The following TMEM135 variants were observed in gnomAD, a reference collection of about 807,000 sequenced individuals.
TMEM135 encodes peroxisomal membrane protein 52.
A neutral mutation model predicts 60.3 loss-of-function variants in TMEM135; 30 were observed. The observed-to-expected ratio is 0.50, with a 90% confidence interval of 0.37 to 0.68. The LOEUF (loss-of-function observed/expected upper bound fraction) is 0.68. Among genes scored for constraint, TMEM135 ranks in the 30% least tolerant of loss-of-function variants. TMEM135 has a pLI of 0.00. For missense variants in TMEM135, 468 were observed against 548.8 expected (o/e 0.85, Z 1.47); for synonymous variants, 190 against 186.7 (o/e 1.02, Z -0.14).
chr11:87,318,044 C>T, intron 12 of TMEM135, 93 bp from the exon 13 acceptor site: 1 of 949,402 alleles, frequency 1.1e-6, no homozygotes, highest in South Asian at 1.3e-5. Flanking sequence ...TATTAGGATT[C>T]AGAAAGGTTG....
In TMEM135 at chr11:87,309,604, T is replaced by A. The variant is rs912318986; in HGVS notation, c.868T>A (p.Ser290Thr). ...GTTTACACAGCCATCTCGGCTACTT[T>A]CTCTCTTCTACAATAAAGAAAACTT... The part of the protein sequence containing the change: ...HLFTQPSRLL[S>T]LFYNKENFQL... Residue 290 changes from serine to threonine, a missense_variant, in exon 10 of 15, where the codon TCT (serine) becomes ACT (threonine). By Grantham distance (58) the Ser-to-Thr change is moderately conservative (BLOSUM62 1). Coordinates refer to ENST00000305494, the MANE Select transcript of TMEM135 (RefSeq NM_022918.4). 1 of 1,613,808 alleles carries A rather than the reference T, an allele frequency of 6.2e-7. No individual in the cohort carries two copies. Among genetic ancestry groups the A allele is most frequent in the African/African-American group, 1.3e-5 (1 of 74,936 alleles).
intron 6 of TMEM135, among the ~76,000 whole-genome samples, chr11:87,250,034 T>C (rs1406850474): frequency 6.6e-6 from 1 of 152,112 alleles, no homozygotes; most frequent in African/African-American, 2.4e-5. Flanking sequence ...TTTTGGTAGA[T>C]TGTATGTGTC....
chr11:87,097,163 A>AT (rs1331462914), intron 4 of TMEM135, among the ~76,000 whole-genome samples: 4 of 152,052 alleles, frequency 2.6e-5, no homozygotes, highest in African/African-American at 9.6e-5. Context: ...TGCCTGGCTA[A>AT]TTTTTGTATT....
At chr11:87,290,733 ATAT>A (rs1942248452) in intron 6 of TMEM135, among the ~76,000 whole-genome samples, 1 of 151,976 alleles carries the variant, frequency 6.6e-6, no homozygotes. Flanking sequence ...AAGTTCTTTG[ATAT>A]TATTATGCAA....
At chr11:87,269,549 T>C (rs1190063541) in intron 6 of TMEM135, among the ~76,000 whole-genome samples, 1 of 150,612 alleles carries the variant, frequency 6.6e-6, no homozygotes, top group Non-Finnish European at 1.5e-5. Flanking sequence ...CCTGTGTCCA[T>C]GTGTTCTCAT....
intron 5 of TMEM135, among the ~76,000 whole-genome samples, chr11:87,219,472 TG>T (rs752931816): frequency 6.8e-6 from 1 of 146,830 alleles, no homozygotes; most frequent in Admixed American, 6.8e-5. Context: ...GTGGCGGGGC[TG>T]GGGGGAGAGA....
chr11:87,095,309 T>C (rs1256931840), intron 4 of TMEM135: 2 of 201,446 alleles, frequency 9.9e-6, no homozygotes, highest in Admixed American at 9.4e-5. Context: ...AAGTGTTGCC[T>C]ATGTTCTTCT....
chr11:87,042,210 A>G (rs1949755814), intron 1 of TMEM135, among the ~76,000 whole-genome samples: 2 of 152,240 alleles, frequency 1.3e-5, no homozygotes, highest in African/African-American at 4.8e-5. Flanking sequence ...CAATAATGGT[A>G]ATAGACTGAT....
At chr11:87,146,041 T>C (rs752551642) in intron 4 of TMEM135, among the ~76,000 whole-genome samples, 4 of 152,232 alleles carry the variant, frequency 2.6e-5, no homozygotes, top group Non-Finnish European at 4.4e-5. Context: ...GTGCTTTCTT[T>C]TAGTAGTTTT....
chr11:87,055,669 C>G (rs61906204), intron 1 of TMEM135, among the ~76,000 whole-genome samples: 7,977 of 152,124 alleles, frequency 0.052, 282 homozygotes, highest in South Asian at 0.12. Flanking sequence ...CGGCTCACGC[C>G]AACCTCCGCC....
At chr11:87,068,988 C>T (rs537621684) in intron 2 of TMEM135, among the ~76,000 whole-genome samples, 1 of 151,472 alleles carries the variant, frequency 6.6e-6, no homozygotes, top group Non-Finnish European at 1.5e-5. Context: ...AAGGAACTCT[C>T]TTTATCATGT....
At chr11:87,038,669 C>T (rs905659051) in intron 1 of TMEM135, among the ~76,000 whole-genome samples, 6 of 145,780 alleles carry the variant, frequency 4.1e-5, no homozygotes, top group African/African-American at 1.5e-4. Flanking sequence ...CCTGTGGCCT[C>T]AGATCTTGAC....
intron 6 of TMEM135, among the ~76,000 whole-genome samples, chr11:87,247,269 G>A (rs2135386323): frequency 6.6e-6 from 1 of 152,334 alleles, no homozygotes. Context: ...CCTACTGGGG[G>A]ATGTTTCCCA....
At position 87,230,815 on chromosome 11, in the gene TMEM135, G is replaced by T. The variant is rs540614221; in HGVS notation, c.463-5823G>T. 5.5e-4 allele frequency among the ~76,000 whole-genome samples: 84 copies of T among 151,856 alleles called. No individual in the cohort carries two copies. The Middle Eastern group carries it at 0.01, about 18-fold the overall frequency. On this transcript the variant is annotated intron_variant, in intron 5 of 14. Transcript: ENST00000305494. Reference sequence around the variant, plus strand: ...TATGGCTTTTGATTACTTGAGATATGGCTAGGGTGAATGAGGAAACAAATT... The same window carrying T: ...TATGGCTTTTGATTACTTGAGATATTGCTAGGGTGAATGAGGAAACAAATT...
chr11:87,204,822 C>G (rs1940199683), intron 5 of TMEM135, among the ~76,000 whole-genome samples: 1 of 152,092 alleles, frequency 6.6e-6, no homozygotes, highest in African/African-American at 2.4e-5. Flanking sequence ...AATCAACATA[C>G]AAATGGATCT....
At chr11:87,192,005 T>TTTTTTTTTTTTTTTTA (rs1285194009) in intron 5 of TMEM135, among the ~76,000 whole-genome samples, 1 of 146,034 alleles carries the variant, frequency 6.8e-6, no homozygotes, top group Non-Finnish European at 1.5e-5. Flanking sequence ...TTTTTTTTTT[T>TTTTTTTTTTTTTTTTA]CGAGATGGAG....
At chr11:87,041,461 G>A (rs1028160692) in intron 1 of TMEM135, among the ~76,000 whole-genome samples, 1 of 152,114 alleles carries the variant, frequency 6.6e-6, no homozygotes, top group Non-Finnish European at 1.5e-5. Flanking sequence ...AGAAATTGAT[G>A]CAGCAATTTC....
chr11:87,170,871 T>C (rs983254759), intron 5 of TMEM135, among the ~76,000 whole-genome samples: 3 of 152,146 alleles, frequency 2.0e-5, no homozygotes, highest in Non-Finnish European at 2.9e-5. Flanking sequence ...ACGTTTAAGT[T>C]TGTGGAAGCT....
intron 5 of TMEM135, among the ~76,000 whole-genome samples, chr11:87,215,744 G>A (rs1035615467): frequency 6.6e-6 from 1 of 152,196 alleles, no homozygotes; most frequent in Non-Finnish European, 1.5e-5. Flanking sequence ...TGCATACAGG[G>A]ATGGGAGAAA....
Sources: gnomAD v4.1 joint callset for allele counts (sites outside exome capture counted in the v4.1 genomes callset) on GRCh38, gnomAD v4.1.1 for gene constraint, MANE v1.5 for transcripts, NCBI Gene and HGNC (gene_info 2026-07-23, HGNC 2026-07-21) for gene names.